The following XIRP2 variants were observed in gnomAD, a reference collection of about 807,000 sequenced individuals.
The protein encoded by XIRP2 is xin actin-binding repeat-containing protein 2.
A neutral mutation model predicts 277.0 loss-of-function variants in XIRP2; 236 were observed. The observed-to-expected ratio is 0.85, with a 90% CI of 0.77 to 0.95. XIRP2 has a LOEUF of 0.95. Among genes scored for constraint, XIRP2 ranks in the 40% least tolerant of loss-of-function variants. The probability of loss-of-function intolerance (pLI) is 0.00; values close to 1 mark genes in which losing one functional copy is unlikely to be tolerated. For synonymous variants in XIRP2, 1,490 were observed against 1,416.5 expected, an observed-to-expected ratio of 1.05 and a Z score of -1.17; for missense variants, 4,640 against 4,157.5, an observed-to-expected ratio of 1.12 and a Z score of -3.19.
At chr2:167,192,122 A>G (rs2105367590) in intron 3 of XIRP2, among the ~76,000 whole-genome samples, 1 of 152,336 alleles carries the variant, frequency 6.6e-6, no homozygotes, top group East Asian at 1.9e-4. Flanking sequence ...TTTCCATTTC[A>G]AGTTTAATGT....
chr2:167,246,528 T>A lies in XIRP2; in HGVS notation c.5136T>A (p.Asp1712Glu). The A allele has an allele frequency of 1.2e-6, 2 of 1,613,760 alleles. No individual in the cohort carries two copies. Among genetic ancestry groups the A allele is most frequent in the East Asian group, 2.2e-5 (1 of 44,834 alleles). Reference protein sequence around the residue: ...TIEREEVIGGDVKRTIHNLLS... With the variant: ...TIEREEVIGGEVKRTIHNLLS... ...AGCGTGAAGAAGTAATAGGTGGTGA[T>A]GTCAAACGTACCATTCATAATTTAT... The change falls in exon 9 of 11, where the codon GAT becomes GAA. Residue 1712 changes from aspartate to glutamate, a missense_variant. Coordinates refer to ENST00000409195, the MANE Select transcript of XIRP2 (RefSeq NM_152381.6).
At chr2:167,009,483 A>G (rs1361645655) in intron 2 of XIRP2, among the ~76,000 whole-genome samples, 1 of 151,652 alleles carries the variant, frequency 6.6e-6, no homozygotes, top group Non-Finnish European at 1.5e-5. Flanking sequence ...ATTGGGGTTG[A>G]TTTCAAGTCT....
chr2:167,169,372 G>A (rs1559005522), intron 3 of XIRP2, among the ~76,000 whole-genome samples: 1 of 152,298 alleles, frequency 6.6e-6, no homozygotes, highest in East Asian at 1.9e-4. Context: ...AAGTCTCAGA[G>A]TAGTCCACAC....
intron 2 of XIRP2, among the ~76,000 whole-genome samples, chr2:166,946,912 C>T (rs1436160341): frequency 6.6e-6 from 1 of 151,950 alleles, no homozygotes; most frequent in African/African-American, 2.4e-5. Flanking sequence ...TCTCTATGGG[C>T]AAATATCATT....
Position 167,251,709 on chromosome 2 carries a change from A to G in XIRP2, c.10317A>G (p.Ser3439=), listed in dbSNP as rs773015786. 8 of 1,613,406 alleles carry G rather than the reference A, an allele frequency of 5.0e-6. No individual in the cohort carries two copies. Among genetic ancestry groups the G allele is most frequent in the Admixed American group, 1.7e-5 (1 of 59,932 alleles). ...AGTCGAAGATGAAAACCTCTTCATC[A>G]CATAGCTCAGAAGCTGGCAAATCTG... The part of the protein sequence containing the change: ...IVESKMKTSS[S]HSSEAGKSGC... Residue 3439 remains serine, a synonymous_variant, in exon 9 of 11, where the codon TCA becomes TCG. Transcript: ENST00000409195.
chr2:167,151,619 C>T (rs1235355304), intron 3 of XIRP2, among the ~76,000 whole-genome samples: 3 of 152,044 alleles, frequency 2.0e-5, no homozygotes, highest in African/African-American at 7.2e-5. Context: ...ATTGTCTGGC[C>T]CAGAGTTTCT....
chr2:167,085,716 T>C lies in XIRP2; in HGVS notation c.409-50193T>C, dbSNP rs1689919767. On this transcript the variant is annotated intron_variant, in intron 2 of 10. Coordinates refer to ENST00000409195, the MANE Select transcript of XIRP2 (RefSeq NM_152381.6). ...TATGTAATGGCCTTCTTTGTCTCTT[T>C]TGATCTTTGTTGGTTTAAAGTCTGT... Among the ~76,000 whole-genome samples the C allele has an allele frequency of 4.6e-5, 7 of 152,006 alleles. No individual in the cohort carries two copies. The South Asian group carries it at 1.5e-3, about 32-fold the overall frequency.
chr2:167,050,673 G>A (rs1297086462), intron 2 of XIRP2, among the ~76,000 whole-genome samples: 1 of 151,936 alleles, frequency 6.6e-6, no homozygotes, highest in Non-Finnish European at 1.5e-5. Flanking sequence ...TTGAACCAAA[G>A]ATAGGATCAG....
intron 2 of XIRP2, among the ~76,000 whole-genome samples, chr2:166,938,755 A>G (rs563179095): frequency 3.9e-5 from 6 of 152,062 alleles, no homozygotes; most frequent in Non-Finnish European, 8.8e-5. Flanking sequence ...TCTCTAAGGA[A>G]TTGCTTTATG....
At chr2:167,172,676 G>C (rs1458635842) in intron 3 of XIRP2, among the ~76,000 whole-genome samples, 1 of 152,268 alleles carries the variant, frequency 6.6e-6, no homozygotes, top group African/African-American at 2.4e-5. Flanking sequence ...GTTCCACCCA[G>C]CTCTCAGGCA....
chr2:167,170,153 AC>A (rs1692642242), intron 3 of XIRP2, among the ~76,000 whole-genome samples: 3 of 152,258 alleles, frequency 2.0e-5, no homozygotes, highest in South Asian at 4.1e-4. Context: ...ATGATAAAGA[AC>A]TTTTAAAAAT....
chr2:166,929,766 G>C (rs1685279238), intron 2 of XIRP2, among the ~76,000 whole-genome samples: 1 of 152,022 alleles, frequency 6.6e-6, no homozygotes, highest in Non-Finnish European at 1.5e-5. Flanking sequence ...GGATATACTT[G>C]GAGATGTGCT....
chr2:166,964,962 T>C (rs1686391069), intron 2 of XIRP2, among the ~76,000 whole-genome samples: 1 of 151,818 alleles, frequency 6.6e-6, no homozygotes, highest in Non-Finnish European at 1.5e-5. Context: ...TTAGAGGCTC[T>C]GCTGATCATC....
Position 167,246,929 on chromosome 2 carries a change from A to AT in XIRP2, c.5539dup (p.Ser1847PhefsTer21). ...AAAGGTGATTTGACATCAACCCTAA[A>AT]TTCCCTCAGCCAGGCTGTAAATCAG... On this transcript the variant is annotated frameshift_variant, in exon 9 of 11. Transcript: ENST00000409195. LOFTEE classifies it high-confidence loss of function. 6.2e-7 allele frequency: 1 copy of AT among 1,613,426 alleles called. No individual in the cohort carries two copies. The highest frequency in any genetic ancestry group is 8.5e-7 in the Non-Finnish European group (1 of 1,179,786).
intron 5 of XIRP2, among the ~76,000 whole-genome samples, chr2:167,219,285 A>G (rs1484591807): frequency 6.6e-6 from 1 of 152,236 alleles, no homozygotes; most frequent in African/African-American, 2.4e-5. Context: ...CCTAAAGGAA[A>G]CTTAATATAA....
intron 2 of XIRP2, among the ~76,000 whole-genome samples, chr2:167,089,390 C>G (rs1031191186): frequency 6.6e-6 from 1 of 152,114 alleles, no homozygotes; most frequent in Non-Finnish European, 1.5e-5. Context: ...AAGCAATTAG[C>G]TCAGCTCACA....
At chr2:167,027,577 G>T (rs1453964480) in intron 2 of XIRP2, among the ~76,000 whole-genome samples, 1 of 152,060 alleles carries the variant, frequency 6.6e-6, no homozygotes, top group Non-Finnish European at 1.5e-5. Flanking sequence ...AGGAGGAGAG[G>T]TACTCTGCTT....
At chr2:166,915,921 G>C (rs1373290215) in intron 2 of XIRP2, among the ~76,000 whole-genome samples, 2 of 152,092 alleles carry the variant, frequency 1.3e-5, no homozygotes, top group African/African-American at 4.8e-5. Flanking sequence ...AAAATAGGAA[G>C]CACCATCACC....
intron 2 of XIRP2, among the ~76,000 whole-genome samples, chr2:167,113,264 A>G (rs1453997446): frequency 1.3e-5 from 2 of 152,106 alleles, no homozygotes; most frequent in Non-Finnish European, 2.9e-5. Context: ...GTCTCTCCCT[A>G]TAATTGTGTG....
Sources: gnomAD v4.1 joint callset for allele counts (sites outside exome capture counted in the v4.1 genomes callset) on GRCh38, gnomAD v4.1.1 for gene constraint, MANE v1.5 for transcripts, NCBI Gene and HGNC (gene_info 2026-07-23, HGNC 2026-07-21) for gene names.